The following IKZF3 variants were observed in gnomAD, a reference collection of about 807,000 sequenced individuals.
The protein encoded by IKZF3 is zinc finger protein Aiolos.
In IKZF3, 10 loss-of-function variants were observed where a neutral mutation model predicts 49.0. The observed-to-expected ratio is 0.20, with a 90% CI of 0.13 to 0.35. The LOEUF is 0.35. IKZF3 is among the 10% of genes least tolerant of loss of function. The probability of loss-of-function intolerance (pLI) is 1.00; values close to 1 mark genes in which losing one functional copy is unlikely to be tolerated. For missense variants in IKZF3, 498 were observed against 664.8 expected (o/e 0.75, Z 2.76); for synonymous variants, 209 against 228.2 (o/e 0.92, Z 0.76).
At chr17:39,796,967 A>C (rs1003077498) in intron 3 of IKZF3, among the ~76,000 whole-genome samples, 1 of 151,370 alleles carries the variant, frequency 6.6e-6, no homozygotes, top group Non-Finnish European at 1.5e-5. Flanking sequence ...GATCGAGACC[A>C]TCCTGACTAA....
At chr17:39,839,489 G>T in intron 1 of IKZF3, 1 of 570,484 alleles carries the variant, frequency 1.8e-6, no homozygotes, top group Non-Finnish European at 3.5e-6. Flanking sequence ...TCTTGGCCAG[G>T]AATCACTTAA....
At chr17:39,852,019 A>G (rs1013407612) in intron 1 of IKZF3, among the ~76,000 whole-genome samples, 2 of 152,170 alleles carry the variant, frequency 1.3e-5, no homozygotes, top group African/African-American at 4.8e-5. Context: ...TGGTACAGAA[A>G]TTTATTTACA....
chr17:39,856,674 C>T (rs2063069472), intron 1 of IKZF3, among the ~76,000 whole-genome samples: 1 of 151,766 alleles, frequency 6.6e-6, no homozygotes, highest in South Asian at 2.1e-4. Context: ...GGCGTGGTAG[C>T]GGGAGCCTGT....
At chr17:39,850,052 T>C (rs111359999) in intron 1 of IKZF3, among the ~76,000 whole-genome samples, 9 of 139,582 alleles carry the variant, frequency 6.4e-5, no homozygotes, top group East Asian at 4.0e-4. Context: ...TAATATATAG[T>C]ATATTATATA....
Position 39,762,139 on chromosome 17 carries a change from A to G in IKZF3, c.*3651T>C, listed in dbSNP as rs938567503. ...TTGTTCAGAGGGAGTCTGCATGAGA[A>G]AGTACAGGTACTATCTGAAGCTGCT... On this transcript the variant is annotated 3_prime_UTR_variant, in exon 8 of 8. Coordinates refer to ENST00000346872, the MANE Select transcript of IKZF3 (RefSeq NM_012481.5). The G allele has an allele frequency of 3.9e-5, 6 of 152,212 alleles. No homozygotes were observed. The highest frequency in any genetic ancestry group is 6.5e-5 in the Admixed American group (1 of 15,282). The allele number at this position is 152,212 out of a possible 1,614,324, so 9.4% of individuals were successfully genotyped here.
intron 7 of IKZF3, among the ~76,000 whole-genome samples, chr17:39,770,363 G>A (rs555043307): frequency 3.3e-4 from 50 of 152,302 alleles, no homozygotes; most frequent in African/African-American, 1.1e-3. Context: ...CACGGCAACA[G>A]CAAGTCCTAA....
chr17:39,841,584 A>G (rs550686090), intron 1 of IKZF3, among the ~76,000 whole-genome samples: 3 of 152,246 alleles, frequency 2.0e-5, no homozygotes, highest in African/African-American at 7.2e-5. Context: ...CCAAGTGCCA[A>G]TGGGAGACTG....
At chr17:39,766,551 A>T (rs112876941) in intron 7 of IKZF3, 58 bp from the exon 8 acceptor site, 42,047 of 1,429,178 alleles carry the variant, frequency 0.029, 751 homozygotes, top group Non-Finnish European at 0.034. Context: ...GAGAGTTTGT[A>T]AATATTTTCT....
chr17:39,824,620 T>A (rs1329495913), intron 3 of IKZF3, among the ~76,000 whole-genome samples: 1 of 151,876 alleles, frequency 6.6e-6, no homozygotes, highest in Non-Finnish European at 1.5e-5. Context: ...AATAATGGGG[T>A]AATTGAATTA....
At chr17:39,769,977 C>T (rs2060395741) in intron 7 of IKZF3, among the ~76,000 whole-genome samples, 1 of 152,204 alleles carries the variant, frequency 6.6e-6, no homozygotes, top group Admixed American at 6.5e-5. Flanking sequence ...GTAGTTAACA[C>T]AGACCATTGT....
chr17:39,781,501 A>G (rs1015304400), intron 6 of IKZF3, among the ~76,000 whole-genome samples: 2 of 152,176 alleles, frequency 1.3e-5, no homozygotes, highest in African/African-American at 4.8e-5. Context: ...TGCCCATTTT[A>G]CCATTGTTCT....
At chr17:39,843,773 C>T (rs1410597752) in intron 1 of IKZF3, among the ~76,000 whole-genome samples, 2 of 150,608 alleles carry the variant, frequency 1.3e-5, no homozygotes, top group Non-Finnish European at 2.9e-5. Flanking sequence ...CACCACTGCA[C>T]TCCAGCCTGG....
At chr17:39,800,402 T>TA (rs974158493) in intron 3 of IKZF3, among the ~76,000 whole-genome samples, 115 of 152,204 alleles carry the variant, frequency 7.6e-4, no homozygotes, top group African/African-American at 2.7e-3. Flanking sequence ...TATTTTATAA[T>TA]AAAAAAAGTT....
intron 1 of IKZF3, among the ~76,000 whole-genome samples, chr17:39,853,028 C>T (rs1201125141): frequency 1.3e-5 from 2 of 152,182 alleles, no homozygotes; most frequent in Admixed American, 1.3e-4. Flanking sequence ...ACATTCCTAT[C>T]ACTAGCCAGA....
chr17:39,850,155 T>G (rs1467473852), intron 1 of IKZF3, among the ~76,000 whole-genome samples: 1 of 141,514 alleles, frequency 7.1e-6, no homozygotes, highest in Non-Finnish European at 1.5e-5. Flanking sequence ...TATATATGTA[T>G]ATATACTATA....
chr17:39,826,871 A>G (rs955189146), intron 3 of IKZF3, among the ~76,000 whole-genome samples: 10 of 152,258 alleles, frequency 6.6e-5, no homozygotes, highest in African/African-American at 2.4e-4. Context: ...ATGTCTGCCA[A>G]TAAGAGAGAC....
intron 1 of IKZF3, among the ~76,000 whole-genome samples, chr17:39,860,267 A>T (rs2063181243): frequency 6.6e-6 from 1 of 151,938 alleles, no homozygotes; most frequent in Non-Finnish European, 1.5e-5. Flanking sequence ...AAAAAACTGG[A>T]TGTCTGATAA....
chr17:39,806,944 T>C (rs539242602), intron 3 of IKZF3, among the ~76,000 whole-genome samples: 3 of 152,308 alleles, frequency 2.0e-5, no homozygotes, highest in South Asian at 4.1e-4. Flanking sequence ...CAACCTCCAG[T>C]GAAGAAACGA....
chr17:39,830,935 T>C (rs142166994), intron 2 of IKZF3, among the ~76,000 whole-genome samples: 85 of 152,338 alleles, frequency 5.6e-4, no homozygotes, highest in African/African-American at 1.9e-3. Context: ...GTTTGATTTA[T>C]GAATATCTGA....
Sources: gnomAD v4.1 joint callset for allele counts (sites outside exome capture counted in the v4.1 genomes callset) on GRCh38, gnomAD v4.1.1 for gene constraint, MANE v1.5 for transcripts, NCBI Gene and HGNC (gene_info 2026-07-23, HGNC 2026-07-21) for gene names.